The following MAN2A1 variants were observed in gnomAD, a reference collection of about 807,000 sequenced individuals.
The protein encoded by MAN2A1 is mannosidase alpha class 2A member 1.
In MAN2A1, 76 loss-of-function variants were observed where a neutral mutation model predicts 142.6. The ratio of observed to expected loss-of-function variants is 0.53; its 90% CI spans 0.44 to 0.65. The LOEUF (loss-of-function observed/expected upper bound fraction) is 0.65, where lower values mean the gene tolerates loss of function less well. Among genes scored for constraint, MAN2A1 ranks in the 30% least tolerant of loss-of-function variants. MAN2A1 has a pLI of 0.00. For missense variants in MAN2A1, 1,311 were observed against 1,365.1 expected, an observed-to-expected ratio of 0.96 and a Z score of 0.62; for synonymous variants, 559 against 473.2, an observed-to-expected ratio of 1.18 and a Z score of -2.35.
chr5:109,806,656 A>G (rs2112705431), intron 12 of MAN2A1, among the ~76,000 whole-genome samples: 1 of 152,346 alleles, frequency 6.6e-6, no homozygotes, highest in East Asian at 1.9e-4. Context: ...TTTAGAAACT[A>G]AAAGTTTATT....
chr5:109,709,759 T>A (rs935672679), intron 1 of MAN2A1, among the ~76,000 whole-genome samples: 1 of 152,170 alleles, frequency 6.6e-6, no homozygotes, highest in East Asian at 1.9e-4. Flanking sequence ...TATCATGACC[T>A]CCTTCCCCAC....
intron 16 of MAN2A1, among the ~76,000 whole-genome samples, chr5:109,831,272 C>T (rs555615492): frequency 6.6e-6 from 1 of 152,100 alleles, no homozygotes; most frequent in South Asian, 2.1e-4. Flanking sequence ...TATCTACTTA[C>T]AAGAGTGAGT....
rs913960375 is a variant in MAN2A1 at position 109,690,203 on chromosome 5, C to A, written c.-215C>A. The A allele has an allele frequency of 5.6e-6, 3 of 535,034 alleles. No homozygotes were observed. In the African/African-American group the frequency reaches 5.8e-5, roughly 10 times the overall value. 33.1% of individuals were successfully genotyped at this position (535,034 alleles called of 1,614,324 possible). A position where few individuals can be genotyped will look rare whatever the true frequency, so the allele number is the denominator to read the frequency against. On this transcript the variant is annotated 5_prime_UTR_variant, in exon 1 of 22. Coordinates refer to ENST00000261483, the MANE Select transcript of MAN2A1 (RefSeq NM_002372.4). ...TCTCGCCTCGAGAGGGGCGCCCGACCCCGGGGAGGGCGGCAGGCCAGGGCG... is the reference window on the plus strand; with the variant it reads ...TCTCGCCTCGAGAGGGGCGCCCGACACCGGGGAGGGCGGCAGGCCAGGGCG...
intron 5 of MAN2A1, among the ~76,000 whole-genome samples, chr5:109,759,864 G>A (rs1212585505): frequency 1.3e-5 from 2 of 151,938 alleles, no homozygotes; most frequent in African/African-American, 4.8e-5. Context: ...TGCTGAGTAT[G>A]TTTTGTTGTG....
intron 4 of MAN2A1, among the ~76,000 whole-genome samples, chr5:109,735,878 GTTTTTTTTT>G (rs35796131): frequency 9.1e-5 from 9 of 98,408 alleles, no homozygotes; most frequent in African/African-American, 3.3e-4. Context: ...TTCCATTGGA[GTTTTTTTTT>G]TTTTTTTTTT....
At chr5:109,695,462 T>A (rs1230001535) in intron 1 of MAN2A1, among the ~76,000 whole-genome samples, 1 of 152,228 alleles carries the variant, frequency 6.6e-6, no homozygotes, top group Non-Finnish European at 1.5e-5. Flanking sequence ...CTTTAGTCTT[T>A]TTTGAAGGAC....
intron 7 of MAN2A1, 59 bp downstream of exon 7, chr5:109,770,600 A>G (rs1753120105): frequency 6.8e-7 from 1 of 1,480,882 alleles, no homozygotes; most frequent in South Asian, 1.2e-5. Context: ...CTTAGCTGCT[A>G]GTTGCTGAAG....
At chr5:109,699,229 C>T (rs1273227577) in intron 1 of MAN2A1, among the ~76,000 whole-genome samples, 4 of 152,160 alleles carry the variant, frequency 2.6e-5, no homozygotes, top group Admixed American at 2.6e-4. Context: ...TCTCATTTCT[C>T]ACCCTCCCTC....
At chr5:109,855,030 G>A (rs10071320) in intron 19 of MAN2A1, 110 bp from the exon 20 acceptor site, 331,350 of 522,908 alleles carry the variant, frequency 0.63, 107,089 homozygotes, top group East Asian at 0.92. Flanking sequence ...AAAATGTAAT[G>A]AAACCAAATT....
At chr5:109,838,083 C>T (rs776834517) in intron 16 of MAN2A1, among the ~76,000 whole-genome samples, 8 of 151,994 alleles carry the variant, frequency 5.3e-5, no homozygotes, top group African/African-American at 1.7e-4. Context: ...ATCCTAGCTC[C>T]GGGTGTGAGA....
intron 5 of MAN2A1, among the ~76,000 whole-genome samples, chr5:109,765,320 C>T (rs539064929): frequency 1.3e-5 from 2 of 151,944 alleles, no homozygotes; most frequent in Admixed American, 6.6e-5. Flanking sequence ...TTGTAGAAGT[C>T]TCTCTATTTG....
chr5:109,815,146 T>A (rs777133442), intron 12 of MAN2A1, among the ~76,000 whole-genome samples: 2 of 152,114 alleles, frequency 1.3e-5, no homozygotes, highest in Non-Finnish European at 2.9e-5. Flanking sequence ...ACCTTAGAAA[T>A]ATAGGACAGT....
At chr5:109,772,056 G>A (rs1007328319) in intron 7 of MAN2A1, among the ~76,000 whole-genome samples, 2 of 152,174 alleles carry the variant, frequency 1.3e-5, no homozygotes, top group African/African-American at 4.8e-5. Flanking sequence ...GCACCTGGGG[G>A]CATACTGTTG....
At chr5:109,705,936 A>G (rs1582806376) in intron 1 of MAN2A1, among the ~76,000 whole-genome samples, 1 of 152,132 alleles carries the variant, frequency 6.6e-6, no homozygotes, top group African/African-American at 2.4e-5. Flanking sequence ...CATTGGGCCT[A>G]CTCAGATATT....
intron 4 of MAN2A1, among the ~76,000 whole-genome samples, chr5:109,735,321 T>C (rs1007438337): frequency 5.9e-5 from 9 of 152,228 alleles, no homozygotes; most frequent in Non-Finnish European, 7.3e-5. Context: ...CTTGACTCTT[T>C]ATCCAATTTT....
chr5:109,829,640 A>G (rs751028944), intron 16 of MAN2A1, among the ~76,000 whole-genome samples: 1 of 152,150 alleles, frequency 6.6e-6, no homozygotes, highest in Non-Finnish European at 1.5e-5. Context: ...ATCTCCTGTT[A>G]CAATTCTTCA....
chr5:109,848,787 A>C (rs185485641), intron 19 of MAN2A1, among the ~76,000 whole-genome samples: 1 of 152,354 alleles, frequency 6.6e-6, no homozygotes, highest in African/African-American at 2.4e-5. Flanking sequence ...TATTAAAAGT[A>C]GAAATGGAAT....
chr5:109,801,098 A>G (rs1754016824), intron 12 of MAN2A1, among the ~76,000 whole-genome samples: 1 of 152,206 alleles, frequency 6.6e-6, no homozygotes, highest in African/African-American at 2.4e-5. Context: ...AAACCTTATT[A>G]CAATGGCTTC....
chr5:109,716,580 A>G (rs1431934159), intron 3 of MAN2A1, among the ~76,000 whole-genome samples: 5 of 152,362 alleles, frequency 3.3e-5, no homozygotes, highest in African/African-American at 2.4e-5. Flanking sequence ...AAAATATTGC[A>G]TAGGAAAATT....
Sources: gnomAD v4.1 joint callset for allele counts (sites outside exome capture counted in the v4.1 genomes callset) on GRCh38, gnomAD v4.1.1 for gene constraint, MANE v1.5 for transcripts, NCBI Gene and HGNC (gene_info 2026-07-23, HGNC 2026-07-21) for gene names.